CPT1C: variants seen among roughly 807,000 people sequenced by gnomAD.
CPT1C encodes the protein carnitine palmitoyltransferase 1C.
A neutral mutation model predicts 97.3 loss-of-function variants in CPT1C; 61 were observed. That is an observed-to-expected ratio of 0.63 (90% CI 0.51 to 0.78). The LOEUF (loss-of-function observed/expected upper bound fraction) is 0.78, where lower values mean the gene tolerates loss of function less well. CPT1C is among the 30% of genes least tolerant of loss of function. The pLI is 0.00. For missense variants in CPT1C, 975 were observed against 1,065.5 expected, an observed-to-expected ratio of 0.92 and a Z score of 1.18; for synonymous variants, 469 against 447.2, an observed-to-expected ratio of 1.05 and a Z score of -0.61.
chr19:49,707,185 G>T lies in CPT1C; in HGVS notation c.1344-333G>T, dbSNP rs10415076. The stretch of plus-strand genomic sequence containing the variant: ...AGCTACTTGGGAGGCTGAGGCGGGA[G>T]AATCACTTGAACCCTCAGCTACTTG... On this transcript the variant is annotated intron_variant, in intron 12 of 19. Coordinates refer to ENST00000598293, the MANE Select transcript of CPT1C (RefSeq NM_001199753.2). 3.2e-3 allele frequency among the ~76,000 whole-genome samples: 482 copies of T among 152,286 alleles called. 1 individual carries two copies. Among genetic ancestry groups the T allele is most frequent in the African/African-American group, 0.011 (446 of 41,566 alleles).
In CPT1C at chr19:49,713,455, A is replaced by G. The variant is rs764260945; in HGVS notation, c.2262A>G (p.Ala754=). 1.1e-5 allele frequency: 17 copies of G among 1,613,990 alleles called. No individual in the cohort carries two copies. In the South Asian group the frequency reaches 1.9e-4, roughly 18 times the overall value. Residue 754 remains alanine, a synonymous_variant, in exon 20 of 20, where the codon GCA becomes GCG. Transcript: ENST00000598293. ...SHRLGQHIED[A]LLDVASLFQA... The stretch of plus-strand genomic sequence containing the variant: ...GGCTGGGGCAGCACATTGAGGACGC[A>G]CTGCTGGATGTGGCCTCCCTGTTCC...
At position 49,711,869 on chromosome 19, in the gene CPT1C, G is replaced by T; in HGVS notation, c.1927G>T (p.Ala643Ser). 6.2e-7 allele frequency: 1 copy of T among 1,614,086 alleles called. No individual in the cohort carries two copies. Among genetic ancestry groups the T allele is most frequent in the Non-Finnish European group, 8.5e-7 (1 of 1,180,042 alleles). The change falls in exon 17 of 20, where the codon GCA becomes TCA. Residue 643 changes from alanine (A) to serine (S), a missense_variant. Around this residue, in one of 3 missense-constraint regions of CPT1C, gnomAD observed 344 missense variants for 395.7 expected, o/e 0.87. Coordinates refer to ENST00000598293, the MANE Select transcript of CPT1C (RefSeq NM_001199753.2). ...GGACAAGCACCAGGCTCTGCTGAAG[G>T]CAGCCATGAGCGGGCAGGGAGTTGA... ...AVDKHQALLKAAMSGQGVDRH... is the reference protein window; with the variant it reads ...AVDKHQALLKSAMSGQGVDRH...
Position 49,713,470 on chromosome 19 carries a change from C to T in CPT1C, c.2277C>T (p.Ala759=), listed in dbSNP as rs765625140. ...TTGAGGACGCACTGCTGGATGTGGC[C>T]TCCCTGTTCCAGGCGGGACAGCATT... The part of the protein sequence containing the change: ...QHIEDALLDV[A]SLFQAGQHFK... The change falls in exon 20 of 20, where the codon GCC becomes GCT. Residue 759 remains alanine (A), a synonymous_variant. Transcript: ENST00000598293. 5.6e-6 allele frequency: 9 copies of T among 1,614,216 alleles called. No homozygotes were observed. In the Admixed American group the frequency reaches 8.3e-5, roughly 15 times the overall value.
chr19:49,702,577 G>A (rs898942148), intron 7 of CPT1C, among the ~76,000 whole-genome samples: 1 of 149,028 alleles, frequency 6.7e-6, no homozygotes, highest in African/African-American at 2.5e-5. Context: ...CTGAGATCGC[G>A]CCACTGCACT....
intron 4 of CPT1C, among the ~76,000 whole-genome samples, chr19:49,698,258 C>T (rs765114811): frequency 6.7e-6 from 1 of 150,340 alleles, no homozygotes. Flanking sequence ...TCCCAGCTAC[C>T]CAGGAGGCTG....
chr19:49,708,910 C>T (rs1461701457), intron 14 of CPT1C, 71 bp downstream of exon 14: 4 of 955,920 alleles, frequency 4.2e-6, no homozygotes, highest in South Asian at 1.3e-5. Flanking sequence ...CTCATCCCCA[C>T]CCCTAATCTG....
At chr19:49,696,300 G>T (rs992882086) in intron 3 of CPT1C, among the ~76,000 whole-genome samples, 2 of 151,890 alleles carry the variant, frequency 1.3e-5, no homozygotes, top group Non-Finnish European at 2.9e-5. Flanking sequence ...CTCATTAAAC[G>T]TTAGTTATCT....
chr19:49,707,132 G>T (rs1455968091), intron 12 of CPT1C, among the ~76,000 whole-genome samples: 1 of 152,092 alleles, frequency 6.6e-6, no homozygotes, highest in Non-Finnish European at 1.5e-5. Context: ...AAAATTAGCT[G>T]GGCATGGTGG....
At chr19:49,704,591 ACTT>A in intron 7 of CPT1C, 116 bp from the exon 8 acceptor site, 1 of 738,026 alleles carries the variant, frequency 1.4e-6, no homozygotes, top group Non-Finnish European at 2.4e-6. Context: ...ACGATGGCTG[ACTT>A]CTTTGGCTCT....
Position 49,697,454 on chromosome 19 carries a change from G to T in CPT1C, c.270G>T (p.Leu90Phe). 2 of 1,613,982 alleles carry T rather than the reference G, an allele frequency of 1.2e-6. No homozygotes were observed. The highest frequency in any genetic ancestry group is 1.7e-6 in the Non-Finnish European group (2 of 1,179,928). ...SLGLMEKIKE[L>F]LPDWGGQHHG... ...GACTGATGGAGAAGATCAAAGAGTT[G>T]CTGCCTGACTGGTGAGGTCCCCCCA... The change falls in exon 4 of 20, where the codon TTG becomes TTT. Residue 90 changes from leucine (L) to phenylalanine (F), a missense_variant. Leu to Phe is a conservative substitution (Grantham distance 22). Coordinates refer to ENST00000598293, the MANE Select transcript of CPT1C (RefSeq NM_001199753.2).
In CPT1C at chr19:49,708,221, A is replaced by G. The variant is rs192771423; in HGVS notation, c.1450-502A>G. Reference sequence around the variant, plus strand: ...GACTCCAGGCTGGGTGCAGTGGCTCATGCCTGTAATCCCAGCACTTTGGGA... The same window carrying G: ...GACTCCAGGCTGGGTGCAGTGGCTCGTGCCTGTAATCCCAGCACTTTGGGA... On this transcript the variant is annotated intron_variant, in intron 13 of 19. Transcript: ENST00000598293. Among the ~76,000 whole-genome samples, 272 of 152,100 alleles carry G rather than the reference A, an allele frequency of 1.8e-3. 3 individuals carry two copies. In the Middle Eastern group the frequency reaches 0.041, roughly 23 times the overall value.
Position 49,692,274 on chromosome 19 carries a change from G to C in CPT1C, c.22G>C (p.Val8Leu). MAEAHQA[V>L]GFRPSLTSDG... ...TGACATGGCTGAAGCGCACCAGGCC[G>C]TGGGCTTCCGACCCTCGCTGACCTC... Residue 8 changes from valine to leucine, a missense_variant, in exon 3 of 20, where the codon GTG (valine) becomes CTG (leucine). Coordinates refer to ENST00000598293, the MANE Select transcript of CPT1C (RefSeq NM_001199753.2). 1 of 1,613,994 alleles carries C rather than the reference G, an allele frequency of 6.2e-7. No individual in the cohort carries two copies. Among genetic ancestry groups the C allele is most frequent in the South Asian group, 1.1e-5 (1 of 91,082 alleles).
intron 7 of CPT1C, among the ~76,000 whole-genome samples, chr19:49,702,181 T>C (rs1237038807): frequency 1.9e-5 from 2 of 106,598 alleles, no homozygotes; most frequent in African/African-American, 3.0e-5. Flanking sequence ...TATATTTATT[T>C]ATATATAGGC....
intron 3 of CPT1C, among the ~76,000 whole-genome samples, chr19:49,693,997 G>A (rs535884397): frequency 3.3e-5 from 5 of 151,872 alleles, no homozygotes; most frequent in African/African-American, 7.2e-5. Flanking sequence ...TCCGGGAGGC[G>A]GAGCTTGCAG....
intron 17 of CPT1C, chr19:49,712,343 CAAAAAA>C: frequency 8.6e-6 from 1 of 115,904 alleles, no homozygotes; most frequent in Non-Finnish European, 1.5e-5. Flanking sequence ...GACTCTGTCT[CAAAAAA>C]AAAAAAAAAA....
intron 5 of CPT1C, 103 bp downstream of exon 5, chr19:49,700,958 C>T: frequency 1.7e-6 from 2 of 1,203,936 alleles, no homozygotes; most frequent in East Asian, 2.4e-5. Flanking sequence ...CTGTCCCTCT[C>T]TCTCTGGGTC....
rs991969591 is a variant in CPT1C, at chr19:49,692,338, A to G, written c.86A>G (p.Gln29Arg). 9.3e-6 allele frequency: 15 copies of G among 1,614,036 alleles called. No individual in the cohort carries two copies. The highest frequency in any genetic ancestry group is 1.3e-5 in the Non-Finnish European group (15 of 1,179,992). The part of the protein sequence containing the change: ...AEVELSAPVL[Q>R]EIYLSGLRSW... The stretch of plus-strand genomic sequence containing the variant: ...GTGGAACTCAGTGCCCCTGTGCTGC[A>G]GGAGATCTACCTCTCTGGCCTGCGC... Residue 29 changes from glutamine to arginine, a missense_variant, in exon 3 of 20, where the codon CAG (glutamine) becomes CGG (arginine). By Grantham distance (43) the Gln-to-Arg change is conservative. Transcript: ENST00000598293.
At chr19:49,698,633 A>G (rs572926254) in intron 4 of CPT1C, among the ~76,000 whole-genome samples, 23 of 151,786 alleles carry the variant, frequency 1.5e-4, no homozygotes, top group African/African-American at 5.3e-4. Flanking sequence ...ACTGCACTTC[A>G]GCCTTGGTGA....
rs2083572388 is a variant in CPT1C at position 49,707,521 on chromosome 19, G to A, written c.1347G>A (p.Trp449Ter). 1 of 1,613,434 alleles carries A rather than the reference G, an allele frequency of 6.2e-7. No individual in the cohort carries two copies. The highest frequency in any genetic ancestry group is 8.5e-7 in the Non-Finnish European group (1 of 1,179,552). Residue 449 changes from tryptophan (W) to a stop codon, truncating the protein, a stop_gained, in exon 13 of 20, where the codon TGG (tryptophan) becomes TGA (stop). Transcript: ENST00000598293. LOFTEE classifies it high-confidence loss of function. ...CCATCTGAACTCTCCCTGACAGCTG[G>A]TTTGACAAATCCTTCACCCTAATCG... ...ALLAGRGHDR[W>*]FDKSFTLIVF...
Sources: gnomAD v4.1 joint callset for allele counts (sites outside exome capture counted in the v4.1 genomes callset) on GRCh38, gnomAD v4.1.1 for gene constraint, gnomAD v4.1.1 regional missense constraint, MANE v1.5 for transcripts, NCBI Gene and HGNC (gene_info 2026-07-23, HGNC 2026-07-21) for gene names.